ACADSB: variants seen among roughly 807,000 people sequenced by gnomAD.
The protein encoded by ACADSB is short/branched chain specific acyl-CoA dehydrogenase, mitochondrial.
Under a neutral mutation model 54.1 loss-of-function variants are expected in ACADSB, and 40 were observed. The observed-to-expected ratio is 0.74, with a 90% CI of 0.57 to 0.96. ACADSB has a LOEUF of 0.96. Among genes scored for constraint, ACADSB ranks in the 40% least tolerant of loss-of-function variants. ACADSB has a pLI of 0.00. For synonymous variants in ACADSB, 182 were observed against 182.8 expected (o/e 1.00, Z 0.03); for missense variants, 530 against 510.4 (o/e 1.04, Z -0.37).
intron 3 of ACADSB, 80 bp from the exon 4 acceptor site, chr10:123,040,386 A>C: frequency 8.3e-7 from 1 of 1,202,690 alleles, no homozygotes; most frequent in East Asian, 2.4e-5. Context: ...GTTACAGTTT[A>C]TTTTTTAACT....
intron 7 of ACADSB, among the ~76,000 whole-genome samples, chr10:123,046,988 T>C (rs373062313): frequency 3.3e-5 from 5 of 152,246 alleles, no homozygotes; most frequent in African/African-American, 1.2e-4. Context: ...TGTGCTCATA[T>C]TCACATGAAA....
chr10:123,020,838 A>G (rs1376675012), intron 1 of ACADSB, among the ~76,000 whole-genome samples: 1 of 152,188 alleles, frequency 6.6e-6, no homozygotes, highest in Non-Finnish European at 1.5e-5. Flanking sequence ...CCCCGTCTCT[A>G]CTAAAAATAC....
intron 10 of ACADSB, among the ~76,000 whole-genome samples, chr10:123,053,465 T>C (rs1246900317): frequency 1.3e-5 from 2 of 152,228 alleles, no homozygotes; most frequent in Non-Finnish European, 2.9e-5. Context: ...CTTCAACTTT[T>C]GTTTACACCT....
At chr10:123,038,855 T>G (rs906236716) in intron 3 of ACADSB, among the ~76,000 whole-genome samples, 1 of 152,218 alleles carries the variant, frequency 6.6e-6, no homozygotes, top group African/African-American at 2.4e-5. Context: ...GGAGAACAGA[T>G]GGACTCTGTG....
intron 5 of ACADSB, among the ~76,000 whole-genome samples, chr10:123,041,813 T>A (rs1850478131): frequency 6.6e-6 from 1 of 152,090 alleles, no homozygotes; most frequent in Non-Finnish European, 1.5e-5. Context: ...TATTACACCA[T>A]TTTATGTAAG....
chr10:123,045,226 C>T (rs112219128), intron 7 of ACADSB, among the ~76,000 whole-genome samples: 10,904 of 116,548 alleles, frequency 0.094, 553 homozygotes, highest in African/African-American at 0.1. Context: ...TTGCCCAGGC[C>T]GGAGTGCAGT....
intron 1 of ACADSB, among the ~76,000 whole-genome samples, chr10:123,032,336 A>G (rs1850337939): frequency 6.6e-6 from 1 of 152,166 alleles, no homozygotes; most frequent in South Asian, 2.1e-4. Flanking sequence ...TAACTAACAG[A>G]CACATAGAAT....
chr10:123,024,336 C>T (rs1464809452), intron 1 of ACADSB, among the ~76,000 whole-genome samples: 3 of 152,214 alleles, frequency 2.0e-5, no homozygotes, highest in East Asian at 1.9e-4. Flanking sequence ...GGACCATAGC[C>T]GGAAATGATA....
chr10:123,040,343 T>TCC, intron 3 of ACADSB, 123 bp from the exon 4 acceptor site: 1 of 855,486 alleles, frequency 1.2e-6, no homozygotes, highest in East Asian at 2.8e-5. Context: ...GGAGCAAGAC[T>TCC]GTCTCAAAAA....
chr10:123,048,748 A>T (rs1488584635), intron 8 of ACADSB, among the ~76,000 whole-genome samples: 1 of 151,984 alleles, frequency 6.6e-6, no homozygotes, highest in African/African-American at 2.4e-5. Context: ...ATTTATTTTG[A>T]GACAGAGTCT....
chr10:123,045,426 C>T lies in ACADSB; in HGVS notation c.900+941C>T, dbSNP rs573405957. ...CAATCTCCTGACCTCGTGATCCACC[C>T]GCCTCGGCCTCCCAAAGTGCTGGGA... On this transcript the variant is annotated intron_variant, in intron 7 of 10. Transcript: ENST00000358776. Among the ~76,000 whole-genome samples, 355 of 151,510 alleles carry T rather than the reference C, an allele frequency of 2.3e-3. 2 individuals are homozygous for T. The highest frequency in any genetic ancestry group is 8.2e-3 in the African/African-American group (339 of 41,376).
chr10:123,009,146 T>C, intron 1 of ACADSB, 75 bp downstream of exon 1: 1 of 1,477,690 alleles, frequency 6.8e-7, no homozygotes, highest in Non-Finnish European at 9.2e-7. Context: ...GGCAGAGCCT[T>C]CTAACGGGCC....
intron 2 of ACADSB, among the ~76,000 whole-genome samples, chr10:123,035,146 C>A (rs148257114): frequency 1.3e-5 from 2 of 152,042 alleles, no homozygotes; most frequent in African/African-American, 4.8e-5. Context: ...TTAGTACAGA[C>A]GTGGTTTCAC....
At chr10:123,012,154 G>A (rs1020053200) in intron 1 of ACADSB, among the ~76,000 whole-genome samples, 2 of 152,210 alleles carry the variant, frequency 1.3e-5, no homozygotes, top group African/African-American at 2.4e-5. Context: ...CCAGCCAAGA[G>A]GTGATTCTTG....
At chr10:123,037,913 T>A (rs1167797391) in intron 3 of ACADSB, 66 bp downstream of exon 3, 1 of 1,138,780 alleles carries the variant, frequency 8.8e-7, no homozygotes, top group Non-Finnish European at 1.3e-6. Flanking sequence ...AATGATAGCA[T>A]AATGAACCCT....
chr10:123,038,226 C>G (rs9423324), intron 3 of ACADSB, among the ~76,000 whole-genome samples: 2,524 of 152,300 alleles, frequency 0.017, 78 homozygotes, highest in East Asian at 0.14. Flanking sequence ...ACTCAACATC[C>G]TGTAGTGCAC....
In ACADSB at chr10:123,045,462, G is replaced by A. The variant is rs183952873; in HGVS notation, c.900+977G>A. Among the ~76,000 whole-genome samples, 522 of 151,962 alleles carry A rather than the reference G, an allele frequency of 3.4e-3. 1 individual carries two copies. The highest frequency in any genetic ancestry group is 0.012 in the African/African-American group (491 of 41,468). ...CCCAAAGTGCTGGGATTACAGGCGT[G>A]AGCCACCGCGCCCGGCGTTTGTAGA... On this transcript the variant is annotated intron_variant, in intron 7 of 10. Transcript: ENST00000358776.
chr10:123,011,843 C>T (rs1383853419), intron 1 of ACADSB, among the ~76,000 whole-genome samples: 1 of 150,568 alleles, frequency 6.6e-6, no homozygotes, highest in African/African-American at 2.4e-5. Context: ...CGCTTGATGT[C>T]TTTTAAGAGA....
intron 1 of ACADSB, among the ~76,000 whole-genome samples, chr10:123,016,671 T>A (rs1321795762): frequency 6.6e-6 from 1 of 151,956 alleles, no homozygotes; most frequent in Non-Finnish European, 1.5e-5. Flanking sequence ...GAAACAGGAG[T>A]GGACAAGTCA....
Sources: allele counts gnomAD v4.1 joint callset (sites outside exome capture counted in the v4.1 genomes callset), GRCh38; gene constraint gnomAD v4.1.1; transcripts MANE v1.5; gene names NCBI Gene and HGNC (gene_info 2026-07-23, HGNC 2026-07-21).